Variants in COL6A2 observed in about 807,000 individuals in gnomAD.
COL6A2 encodes collagen type VI alpha 2 chain, also known as collagen alpha-2(VI) chain.
Under a neutral mutation model 124.9 loss-of-function variants are expected in COL6A2, and 90 were observed. The observed-to-expected ratio is 0.72, with a 90% CI of 0.61 to 0.86. The LOEUF (loss-of-function observed/expected upper bound fraction) is 0.86. COL6A2 is among the 40% of genes least tolerant of loss of function. The pLI, the probability that COL6A2 is intolerant of heterozygous loss-of-function variation, is 0.00. For synonymous variants in COL6A2, 793 were observed against 618.2 expected, an observed-to-expected ratio of 1.28 and a Z score of -4.19; for missense variants, 1,607 against 1,502.5, an observed-to-expected ratio of 1.07 and a Z score of -1.15.
intron 21 of COL6A2, among the ~76,000 whole-genome samples, 155 bp from the exon 22 acceptor site, chr21:46,124,496 A>G (rs1165972855): frequency 5.3e-5 from 8 of 151,594 alleles, no homozygotes; most frequent in Admixed American, 1.3e-4. Flanking sequence ...CAGCATAGGG[A>G]AGGAGGAGGC....
chr21:46,123,906 G>A (rs62213987), intron 21 of COL6A2, among the ~76,000 whole-genome samples: 2 of 143,180 alleles, frequency 1.4e-5, no homozygotes, highest in Non-Finnish European at 3.1e-5. Flanking sequence ...TAGATGGATG[G>A]GTGGGTGGAT....
At chr21:46,108,540 G>A (rs1195646047) in intron 1 of COL6A2, among the ~76,000 whole-genome samples, 1 of 152,180 alleles carries the variant, frequency 6.6e-6, no homozygotes, top group African/African-American at 2.4e-5. Flanking sequence ...CCTTTATAGA[G>A]TTAATTCTAC....
chr21:46,125,929 C>T lies in COL6A2; in HGVS notation c.2114C>T (p.Ser705Leu), dbSNP rs776327120. 1.9e-6 allele frequency: 3 copies of T among 1,613,180 alleles called. No individual in the cohort carries two copies. Among genetic ancestry groups the T allele is most frequent in the South Asian group, 1.1e-5 (1 of 91,066 alleles). The part of the protein sequence containing the change: ...EWIAGGTWTP[S>L]ALKFAYDRLI... Reference sequence around the variant, plus strand: ...ATTGCGGGCGGCACCTGGACACCCTCAGCCCTCAAGTTTGCCTACGACCGC... The same window carrying T: ...ATTGCGGGCGGCACCTGGACACCCTTAGCCCTCAAGTTTGCCTACGACCGC... The change falls in exon 26 of 28, where the codon TCA becomes TTA. Residue 705 changes from serine (S) to leucine (L), a missense_variant. By Grantham distance (145) the Ser-to-Leu change is moderately radical. Around this residue, in one of 3 missense-constraint regions of COL6A2, gnomAD observed 1,223 missense variants for 1,052.2 expected, o/e 1.16. Transcript: ENST00000300527.
At chr21:46,121,209 CTG>C (rs2078561077) in intron 17 of COL6A2, 86 bp downstream of exon 17, 6 of 1,346,396 alleles carry the variant, frequency 4.5e-6, no homozygotes, top group Non-Finnish European at 6.4e-6. Flanking sequence ...GAGCTAGCCA[CTG>C]TCCCCATAGC....
Position 46,132,586 on chromosome 21 carries a change from G to A in COL6A2, c.*34G>A, listed in dbSNP as rs368454074. 25 of 1,556,036 alleles carry A rather than the reference G, an allele frequency of 1.6e-5. No individual in the cohort carries two copies. The African/African-American group carries it at 2.8e-4, about 18-fold the overall frequency. ...CCCGGGCCCCGCAGTCGAGGGTCGT[G>A]AGCCCACCCCGTCCATGGTGCTAAG... is the stretch of plus-strand genomic sequence containing the variant. On this transcript the variant is annotated 3_prime_UTR_variant, in exon 28 of 28. Coordinates refer to ENST00000300527, the MANE Select transcript of COL6A2 (RefSeq NM_001849.4).
At chr21:46,118,774 A>G (rs2078515949) in intron 13 of COL6A2, 98 bp downstream of exon 13, 9 of 1,398,156 alleles carry the variant, frequency 6.4e-6, no homozygotes, top group Middle Eastern at 3.5e-4. Flanking sequence ...TGCTGTCACC[A>G]TGGTGCCGCA....
In COL6A2 at chr21:46,116,529, T is replaced by TG; in HGVS notation, c.928-117dup. 4.5e-6 allele frequency: 7 copies of TG among 1,569,766 alleles called. No individual in the cohort carries two copies. Among genetic ancestry groups the TG allele is most frequent in the Non-Finnish European group, 6.1e-6 (7 of 1,145,408 alleles). On this transcript the variant is annotated intron_variant, in intron 8 of 27. Transcript: ENST00000300527. This position sits in a 1 kb window ranked among gnomAD's most constrained non-coding sequence, Gnocchi z 4.6. ...CCTGGTCTTTTCTCAGTGGTGGCTT[T>TG]GGGGGCTCCTGGGGGGTCCTGTGGC...
At chr21:46,109,126 C>A (rs1294501420) in intron 1 of COL6A2, among the ~76,000 whole-genome samples, 2 of 152,072 alleles carry the variant, frequency 1.3e-5, no homozygotes, top group South Asian at 4.1e-4. Flanking sequence ...AGAGGAGGCC[C>A]TCGAGAGCGT....
chr21:46,128,238 C>T (rs116133406), intron 27 of COL6A2, among the ~76,000 whole-genome samples: 153 of 152,318 alleles, frequency 1.0e-3, no homozygotes, highest in African/African-American at 3.5e-3. Context: ...TCTTCTGAGG[C>T]CTCCAGGACC....
chr21:46,115,924 A>G lies in COL6A2; in HGVS notation c.854A>G (p.Gln285Arg). ...GGAGAGCCTGGCCAGAAGGGAAGAC[A>G]GGTGAGTGTCCTTGCCCCACGCCCG... ...EPGEPGQKGR[Q>R]GDPGIEGPIG... The change falls in exon 6 of 28, where the codon CAG (glutamine) becomes CGG (arginine). Residue 285 changes from glutamine (Q) to arginine (R), a missense_variant and splice_region_variant. Physicochemically the swap from Gln to Arg is conservative, Grantham distance 43. This residue lies in a region of COL6A2 where 42 missense variants were observed against 68.7 expected (regional missense o/e 0.61). Transcript: ENST00000300527. The G allele has an allele frequency of 6.2e-7, 1 of 1,612,930 alleles. No individual in the cohort carries two copies. The highest frequency in any genetic ancestry group is 8.5e-7 in the Non-Finnish European group (1 of 1,180,002).
intron 11 of COL6A2, 184 bp downstream of exon 11, chr21:46,117,637 G>A: frequency 2.7e-6 from 2 of 753,190 alleles, no homozygotes; most frequent in Non-Finnish European, 2.2e-6. Context: ...CCCCCTGGGA[G>A]CTCCTGGCGG....
intron 1 of COL6A2, among the ~76,000 whole-genome samples, chr21:46,102,988 G>A (rs2078303359): frequency 1.3e-5 from 2 of 152,252 alleles, no homozygotes; most frequent in South Asian, 4.1e-4. Context: ...AAAATTTTGG[G>A]AGGGTTTGGT....
chr21:46,116,904 C>T lies in COL6A2; in HGVS notation c.999+90C>T. The T allele has an allele frequency of 4.9e-6, 6 of 1,234,144 alleles. No homozygotes were observed. In the South Asian group the frequency reaches 6.1e-5, roughly 13 times the overall value. The allele number at this position is 1,234,144 out of a possible 1,614,324, so 76.4% of individuals were successfully genotyped here. ...CCCCAGATCCAGCCTGATCTGTCAG[C>T]TTACACATGTGTACACACGCATACA... On this transcript the variant is annotated intron_variant, in intron 10 of 27. Transcript: ENST00000300527. This position sits in a 1 kb window ranked among gnomAD's most constrained non-coding sequence, Gnocchi z 4.6.
chr21:46,111,375 C>A, intron 1 of COL6A2, 75 bp from the exon 2 acceptor site: 1 of 800,402 alleles, frequency 1.2e-6, no homozygotes, highest in Non-Finnish European at 2.1e-6. Context: ...ACCTGCTGTG[C>A]GTGCGCCTGC....
intron 19 of COL6A2, 31 bp from the exon 20 acceptor site, chr21:46,122,454 GGATCTGAGGCT>G (rs1176903392): frequency 6.2e-7 from 1 of 1,612,554 alleles, no homozygotes; most frequent in Non-Finnish European, 8.5e-7. Context: ...AGGAGCACTG[GGATCTGAGGCT>G]GAGTCACCCT....
rs2123457057 is a variant in COL6A2, at chr21:46,132,819, A to G, written c.*267A>G. The G allele has an allele frequency of 1.8e-6, 1 of 562,698 alleles. No individual in the cohort carries two copies. Among genetic ancestry groups the G allele is most frequent in the East Asian group, 3.0e-5 (1 of 33,356 alleles). 34.9% of individuals were successfully genotyped at this position (562,698 alleles called of 1,614,324 possible). On this transcript the variant is annotated 3_prime_UTR_variant, in exon 28 of 28. Transcript: ENST00000300527. ...TACCTGGCCCCTGAGCTCTGGAGCA[A>G]GCCCTGACCCAATAAAGGCTTTGAA...
intron 21 of COL6A2, among the ~76,000 whole-genome samples, chr21:46,124,429 C>T (rs528051951): frequency 6.6e-6 from 1 of 152,164 alleles, no homozygotes; most frequent in South Asian, 2.1e-4. Flanking sequence ...AGGCCCCTAC[C>T]CCTCTGGTGG....
rs367830119 is a variant in COL6A2 at position 46,112,232 on chromosome 21, G to A, written c.369G>A (p.Gln123=). 26 of 1,612,798 alleles carry A rather than the reference G, an allele frequency of 1.6e-5. No homozygotes were observed. Among genetic ancestry groups the A allele is most frequent in the Non-Finnish European group, 2.0e-5 (24 of 1,180,040 alleles). ...GGGCCTCCTTCATCAAGAACCTGCA[G>A]GGCATCAGCTCCTTCCGCCGCGGCA... ...SDRASFIKNL[Q]GISSFRRGTF... Residue 123 remains glutamine (Q), a synonymous_variant, in exon 3 of 28, where the codon CAG becomes CAA. Transcript: ENST00000300527.
chr21:46,115,237 G>A (rs1568928386), intron 5 of COL6A2, among the ~76,000 whole-genome samples: 1 of 152,218 alleles, frequency 6.6e-6, no homozygotes, highest in Non-Finnish European at 1.5e-5. Context: ...CGGAGCCCAG[G>A]ACAGGGCACA....
Sources: allele counts gnomAD v4.1 joint callset (sites outside exome capture counted in the v4.1 genomes callset), GRCh38; gene constraint gnomAD v4.1.1; regional missense constraint gnomAD v4.1.1; non-coding constraint Gnocchi (gnomAD v3.1); transcripts MANE v1.5; gene names NCBI Gene and HGNC (gene_info 2026-07-23, HGNC 2026-07-21).